Variants in LARP4 observed in about 807,000 individuals in gnomAD.
LARP4 encodes la-related protein 4.
A neutral mutation model predicts 92.9 loss-of-function variants in LARP4; 29 were observed. The observed-to-expected ratio is 0.31, with a 90% CI of 0.23 to 0.43. The LOEUF (loss-of-function observed/expected upper bound fraction) is 0.43, where lower values mean the gene tolerates loss of function less well. Among genes scored for constraint, LARP4 ranks in the 20% least tolerant of loss-of-function variants. The pLI is 1.00. For synonymous variants in LARP4, 279 were observed against 284.1 expected, an observed-to-expected ratio of 0.98 and a Z score of 0.18; for missense variants, 732 against 860.0, an observed-to-expected ratio of 0.85 and a Z score of 1.86.
rs971599267 is a variant in LARP4 at position 50,453,614 on chromosome 12, A to G, written c.959A>G (p.Tyr320Cys). ...AATCCTCACCAACAGTACTCGGTCT[A>G]TAGTATTGTGCCTCAGTCTTGGTCT... is the stretch of plus-strand genomic sequence containing the variant. ...VYNPHQQYSV[Y>C]SIVPQSWSPN... Residue 320 changes from tyrosine (Y) to cysteine (C), a missense_variant, in exon 9 of 16, where the codon TAT (tyrosine) becomes TGT (cysteine). By Grantham distance (194) the Tyr-to-Cys change is radical. Transcript: ENST00000398473. 9 of 1,613,068 alleles carry G rather than the reference A, an allele frequency of 5.6e-6. No individual in the cohort carries two copies. The highest frequency in any genetic ancestry group is 5.3e-5 in the African/African-American group (4 of 74,894).
At chr12:50,462,686 C>A in intron 12 of LARP4, 56 bp downstream of exon 12, 1 of 1,156,332 alleles carries the variant, frequency 8.6e-7, no homozygotes, top group Non-Finnish European at 1.3e-6. Context: ...TTTACTATGG[C>A]ATTGACTTTC....
At chr12:50,440,847 A>G (rs1017340348) in intron 7 of LARP4, among the ~76,000 whole-genome samples, 1 of 152,104 alleles carries the variant, frequency 6.6e-6, no homozygotes, top group Non-Finnish European at 1.5e-5. Flanking sequence ...TAGGTCTGCA[A>G]TAAACAAAAT....
intron 5 of LARP4, among the ~76,000 whole-genome samples, chr12:50,436,098 G>A (rs867969581): frequency 2.9e-4 from 29 of 101,546 alleles, no homozygotes; most frequent in East Asian, 1.1e-3. Context: ...TGTGTATCCC[G>A]CTGGTGTGTG....
chr12:50,470,210 C>T (rs1438542133), intron 13 of LARP4, among the ~76,000 whole-genome samples: 3 of 58,710 alleles, frequency 5.1e-5, no homozygotes, highest in African/African-American at 1.3e-4. Context: ...GGTGACAGAG[C>T]AACCTGTCTC....
At chr12:50,432,912 G>A (rs1413304523) in intron 4 of LARP4, among the ~76,000 whole-genome samples, 2 of 150,694 alleles carry the variant, frequency 1.3e-5, no homozygotes, top group African/African-American at 4.9e-5. Flanking sequence ...GGAGACTTGC[G>A]TTTGCCGCAT....
intron 14 of LARP4, among the ~76,000 whole-genome samples, 185 bp from the exon 15 acceptor site, chr12:50,473,797 GGGGGTGGGTGGGGGGGT>G (rs1313502745): frequency 3.0e-5 from 4 of 133,728 alleles, no homozygotes; most frequent in South Asian, 3.0e-4. Flanking sequence ...ACCGGGGGGT[GGGGGTGGGTGGGGGGGT>G]GGGGGGGGTG....
intron 1 of LARP4, among the ~76,000 whole-genome samples, chr12:50,424,819 A>G (rs1948460973): frequency 6.6e-6 from 1 of 152,134 alleles, no homozygotes; most frequent in African/African-American, 2.4e-5. Context: ...TGACTCCAGC[A>G]TCTCAATCAT....
At chr12:50,446,798 G>A (rs115857670) in intron 8 of LARP4, among the ~76,000 whole-genome samples, 1,569 of 152,130 alleles carry the variant, frequency 0.01, 25 homozygotes, top group African/African-American at 0.035. Flanking sequence ...TAACATTAAA[G>A]TGTACTATAA....
chr12:50,409,788 G>T (rs1292950198), intron 1 of LARP4, among the ~76,000 whole-genome samples: 3 of 150,160 alleles, frequency 2.0e-5, no homozygotes, highest in Non-Finnish European at 3.0e-5. Flanking sequence ...AAAAGAAAAA[G>T]AATTATTATT....
chr12:50,406,507 A>T (rs1944871361), intron 1 of LARP4, among the ~76,000 whole-genome samples: 1 of 151,986 alleles, frequency 6.6e-6, no homozygotes, highest in East Asian at 1.9e-4. Context: ...TTATTATTTT[A>T]TTATTTTTTA....
chr12:50,400,962 C>T lies in LARP4; in HGVS notation c.-49C>T. 1 of 1,613,814 alleles carries T rather than the reference C, an allele frequency of 6.2e-7. No individual in the cohort carries two copies. The highest frequency in any genetic ancestry group is 2.2e-5 in the East Asian group (1 of 44,862). On this transcript the variant is annotated 5_prime_UTR_variant, in exon 1 of 16. Coordinates refer to ENST00000398473, the MANE Select transcript of LARP4 (RefSeq NM_052879.5). ...AGCAATTGGGGCGCGGGCCTGTGAG[C>T]CAGTTGGAGTTGCGGCGGCGGGAAC... is the stretch of plus-strand genomic sequence containing the variant.
chr12:50,433,485 A>G (rs1265539778), intron 4 of LARP4, among the ~76,000 whole-genome samples: 1 of 152,018 alleles, frequency 6.6e-6, no homozygotes, highest in African/African-American at 2.4e-5. Flanking sequence ...CATTAATTTG[A>G]TTTACTTCTG....
At chr12:50,422,379 T>A (rs1947952318) in intron 1 of LARP4, among the ~76,000 whole-genome samples, 2 of 152,176 alleles carry the variant, frequency 1.3e-5, no homozygotes, top group South Asian at 4.1e-4. Context: ...TACAGCTGTT[T>A]TTTCCACTCT....
At chr12:50,412,747 A>T (rs1284588905) in intron 1 of LARP4, among the ~76,000 whole-genome samples, 1 of 152,122 alleles carries the variant, frequency 6.6e-6, no homozygotes. Flanking sequence ...GATAGTTTAG[A>T]TCTTTTTGTT....
intron 8 of LARP4, among the ~76,000 whole-genome samples, chr12:50,449,981 T>C (rs1952879701): frequency 7.8e-6 from 1 of 128,422 alleles, no homozygotes; most frequent in South Asian, 2.8e-4. Flanking sequence ...GTTGCCAGAC[T>C]GGAGTGCAGT....
intron 1 of LARP4, among the ~76,000 whole-genome samples, chr12:50,425,188 G>A (rs931897927): frequency 6.6e-6 from 1 of 151,962 alleles, no homozygotes; most frequent in African/African-American, 2.4e-5. Context: ...TGATGTTTTT[G>A]CTTTACTAAA....
rs887019542 is a variant in LARP4 at position 50,477,841 on chromosome 12, C to T, written c.*1977C>T. The stretch of plus-strand genomic sequence containing the variant: ...AGGTCCTTTAAAAAAACATATTAAT[C>T]ATTGACTACATCTATGATAAAAGTG... On this transcript the variant is annotated 3_prime_UTR_variant, in exon 16 of 16. Coordinates refer to ENST00000398473, the MANE Select transcript of LARP4 (RefSeq NM_052879.5). 1 of 152,442 alleles carries T rather than the reference C, an allele frequency of 6.6e-6. No homozygotes were observed. The highest frequency in any genetic ancestry group is 2.4e-5 in the African/African-American group (1 of 41,426). 9.4% of individuals were successfully genotyped at this position (152,442 alleles called of 1,614,324 possible).
chr12:50,455,455 G>A (rs768353014), intron 10 of LARP4, among the ~76,000 whole-genome samples: 4 of 152,278 alleles, frequency 2.6e-5, no homozygotes, highest in Admixed American at 2.6e-4. Flanking sequence ...CTCGTTTGCT[G>A]TTTTGTGAGA....
Position 50,454,367 on chromosome 12 carries a change from T to C in LARP4, c.1071T>C (p.Tyr357=). ...FVNGFNSPGS[Y]KTNAAAMNMG... is the part of the protein sequence containing the mutation. ...ATGGCTTTAATTCGCCAGGATCTTA[T>C]AAAACAAATGCTGCTGCTATGAATA... Residue 357 remains tyrosine (Y), a synonymous_variant, in exon 10 of 16, where the codon TAT becomes TAC. Coordinates refer to ENST00000398473, the MANE Select transcript of LARP4 (RefSeq NM_052879.5). 1 of 1,613,758 alleles carries C rather than the reference T, an allele frequency of 6.2e-7. No individual in the cohort carries two copies. The highest frequency in any genetic ancestry group is 8.5e-7 in the Non-Finnish European group (1 of 1,179,926).
Sources: allele counts gnomAD v4.1 joint callset (sites outside exome capture counted in the v4.1 genomes callset), GRCh38; gene constraint gnomAD v4.1.1; transcripts MANE v1.5; gene names NCBI Gene and HGNC (gene_info 2026-07-23, HGNC 2026-07-21).